TSNARE1: variants seen among roughly 807,000 people sequenced by gnomAD.
TSNARE1 encodes the protein t-SNARE domain containing 1.
Under a neutral mutation model 62.0 loss-of-function variants are expected in TSNARE1, and 49 were observed. That is an observed-to-expected ratio of 0.79 (90% CI 0.63 to 1.00). The LOEUF is 1.00. Among genes scored for constraint, TSNARE1 ranks in the 50% least tolerant of loss-of-function variants. The pLI is 0.00. For synonymous variants in TSNARE1, 328 were observed against 294.4 expected (o/e 1.11, Z -1.17); for missense variants, 755 against 700.1 (o/e 1.08, Z -0.88).
At chr8:142,399,088 C>T (rs944294343) in intron 1 of TSNARE1, among the ~76,000 whole-genome samples, 3 of 152,308 alleles carry the variant, frequency 2.0e-5, no homozygotes, top group Non-Finnish European at 2.9e-5. Context: ...AACTGGGCTC[C>T]GTAGGTGAGG....
At chr8:142,222,715 TCCACTCAC>T (rs1417911808) in intron 13 of TSNARE1, among the ~76,000 whole-genome samples, 15 of 10,708 alleles carry the variant, frequency 1.4e-3, no homozygotes, top group African/African-American at 2.6e-3. Flanking sequence ...CACTCACTCA[TCCACTCAC>T]TCACTCATCC....
Position 142,342,986 on chromosome 8 carries a change from T to G in TSNARE1, c.745+980A>C, listed in dbSNP as rs138120847. Reference sequence around the variant, plus strand: ...ACCACAGCAAGAGCTCAGCATGCCATGCCTACGCCCTGCACCTGTCCCAGC... The same window carrying G: ...ACCACAGCAAGAGCTCAGCATGCCAGGCCTACGCCCTGCACCTGTCCCAGC... On this transcript the variant is annotated intron_variant, in intron 4 of 13. Coordinates refer to ENST00000524325, the MANE Select transcript of TSNARE1 (RefSeq NM_145003.5). 6.2e-3 allele frequency among the ~76,000 whole-genome samples: 915 copies of G among 147,894 alleles called. 9 individuals are homozygous for G. Among genetic ancestry groups the G allele is most frequent in the African/African-American group, 0.022 (858 of 39,794 alleles).
chr8:142,333,709 C>A (rs1831369279), intron 4 of TSNARE1, among the ~76,000 whole-genome samples: 1 of 152,210 alleles, frequency 6.6e-6, no homozygotes, highest in African/African-American at 2.4e-5. Context: ...GCTCTGTGCA[C>A]CCCTGGCTCC....
chr8:142,324,605 T>C (rs1335270879), intron 6 of TSNARE1, among the ~76,000 whole-genome samples: 1 of 152,246 alleles, frequency 6.6e-6, no homozygotes, highest in Non-Finnish European at 1.5e-5. Context: ...GCGTATCTCA[T>C]ACCTGCTCAT....
chr8:142,265,547 G>A (rs1466114227), intron 12 of TSNARE1, among the ~76,000 whole-genome samples: 2 of 152,202 alleles, frequency 1.3e-5, no homozygotes, highest in Admixed American at 6.5e-5. Flanking sequence ...ATAAAGACAC[G>A]ATGAACATCT....
chr8:142,400,894 G>C (rs1049441889), intron 1 of TSNARE1, among the ~76,000 whole-genome samples: 2 of 152,218 alleles, frequency 1.3e-5, no homozygotes, highest in Non-Finnish European at 2.9e-5. Context: ...GGGTGACTGT[G>C]AGAGTAAACT....
intron 12 of TSNARE1, among the ~76,000 whole-genome samples, chr8:142,269,110 T>G (rs181861935): frequency 6.6e-6 from 1 of 152,214 alleles, no homozygotes; most frequent in Non-Finnish European, 1.5e-5. Context: ...CAGCACTTAG[T>G]AAGGGCTCAG....
At chr8:142,313,732 T>C (rs1828047416) in intron 9 of TSNARE1, among the ~76,000 whole-genome samples, 1 of 152,236 alleles carries the variant, frequency 6.6e-6, no homozygotes, top group Admixed American at 6.5e-5. Context: ...TCTGTGTGCA[T>C]CTATGTGTGC....
At chr8:142,390,108 T>A (rs1837382841) in intron 1 of TSNARE1, among the ~76,000 whole-genome samples, 1 of 152,246 alleles carries the variant, frequency 6.6e-6, no homozygotes, top group African/African-American at 2.4e-5. Context: ...AGGATTTTTT[T>A]AAATGATACA....
intron 11 of TSNARE1, chr8:142,276,495 G>C: frequency 2.0e-6 from 2 of 985,480 alleles, no homozygotes; most frequent in Non-Finnish European, 2.4e-6. Flanking sequence ...GCCTGGCCTC[G>C]CTTCTGTTGC....
At chr8:142,239,442 C>A (rs1441119874) in intron 12 of TSNARE1, among the ~76,000 whole-genome samples, 1 of 152,218 alleles carries the variant, frequency 6.6e-6, no homozygotes, top group East Asian at 1.9e-4. Flanking sequence ...ATGCATTATT[C>A]AGGAAGGGGC....
At chr8:142,394,761 G>A (rs1837782201) in intron 1 of TSNARE1, among the ~76,000 whole-genome samples, 1 of 152,156 alleles carries the variant, frequency 6.6e-6, no homozygotes, top group Non-Finnish European at 1.5e-5. Flanking sequence ...CTAAGCTGTG[G>A]GATGGTCCGC....
chr8:142,325,476 G>A (rs11998361), intron 6 of TSNARE1, among the ~76,000 whole-genome samples: 13 of 152,352 alleles, frequency 8.5e-5, no homozygotes, highest in African/African-American at 2.4e-4. Context: ...GGCCAAGGCC[G>A]GGCCTGGACC....
intron 4 of TSNARE1, among the ~76,000 whole-genome samples, chr8:142,332,227 C>T (rs1022986466): frequency 6.6e-6 from 1 of 152,242 alleles, no homozygotes; most frequent in Non-Finnish European, 1.5e-5. Context: ...CAGCTCTGCA[C>T]CGGCAGCTCA....
intron 12 of TSNARE1, among the ~76,000 whole-genome samples, chr8:142,266,557 C>G (rs780751649): frequency 2.0e-5 from 3 of 152,218 alleles, no homozygotes; most frequent in African/African-American, 4.8e-5. Context: ...CATTTTCTGG[C>G]TTCCTCTGCT....
intron 12 of TSNARE1, among the ~76,000 whole-genome samples, chr8:142,256,160 TCAC>T (rs1188039748): frequency 4.3e-5 from 3 of 70,182 alleles, no homozygotes; most frequent in Non-Finnish European, 9.0e-5. Flanking sequence ...ACTGTCACCA[TCAC>T]CACCACCATC....
intron 13 of TSNARE1, among the ~76,000 whole-genome samples, chr8:142,222,097 C>A (rs28972141): frequency 3.7e-5 from 1 of 26,770 alleles, no homozygotes. Flanking sequence ...ACTCACTCAT[C>A]CACTCCACTC....
At chr8:142,256,557 C>T (rs1422790907) in intron 12 of TSNARE1, among the ~76,000 whole-genome samples, 8 of 145,238 alleles carry the variant, frequency 5.5e-5, no homozygotes, top group East Asian at 2.1e-4. Context: ...ATCACCATCA[C>T]CACCATCACC....
chr8:142,331,658 AG>A, intron 5 of TSNARE1, 95 bp downstream of exon 5: 1 of 1,212,970 alleles, frequency 8.2e-7, no homozygotes, highest in Non-Finnish European at 1.2e-6. Flanking sequence ...GGATGGCCTG[AG>A]GGGGGAAGCC....
Sources: allele counts gnomAD v4.1 joint callset (sites outside exome capture counted in the v4.1 genomes callset), GRCh38; gene constraint gnomAD v4.1.1; transcripts MANE v1.5; gene names NCBI Gene and HGNC (gene_info 2026-07-23, HGNC 2026-07-21).